CAV1: variants seen among roughly 807,000 people sequenced by gnomAD.
CAV1 encodes the protein caveolin 1.
In CAV1, 10 loss-of-function variants were observed where a neutral mutation model predicts 16.5. The observed-to-expected ratio is 0.61, with a 90% CI of 0.37 to 1.03. The LOEUF (loss-of-function observed/expected upper bound fraction) is 1.03, where lower values mean the gene tolerates loss of function less well. Ranked by LOEUF, CAV1 falls within the 50% of genes least tolerant of loss-of-function variation. The pLI, the probability that CAV1 is intolerant of heterozygous loss-of-function variation, is 0.01. For synonymous variants in CAV1, 76 were observed against 85.1 expected (o/e 0.89, Z 0.59); for missense variants, 212 against 232.8 (o/e 0.91, Z 0.58).
At chr7:116,526,804 GCACACACA>G (rs138907327) in intron 2 of CAV1, 115 bp downstream of exon 2, 4 of 1,011,948 alleles carry the variant, frequency 4.0e-6, no homozygotes, top group South Asian at 1.4e-5. Flanking sequence ...CCCTACACGC[GCACACACA>G]CACACACACA....
chr7:116,546,702 A>AAAAAAAATAAATAAAT (rs1554356428), intron 2 of CAV1, among the ~76,000 whole-genome samples: 6 of 142,952 alleles, frequency 4.2e-5, no homozygotes, highest in African/African-American at 7.9e-5. Context: ...TGTCACAAAA[A>AAAAAAAATAAATAAAT]AAAAAAAAAA....
At position 116,526,900 on chromosome 7, in the gene CAV1, ATAGT is replaced by A. The variant is rs1793576710; in HGVS notation, c.195+217_195+220del. 3.4e-5 allele frequency: 20 copies of A among 596,660 alleles called. 1 individual carries two copies. In the South Asian group the frequency reaches 3.6e-4, roughly 11 times the overall value. The allele number at this position is 596,660 out of a possible 1,614,324, so 37.0% of individuals were successfully genotyped here. On this transcript the variant is annotated intron_variant, in intron 2 of 2. Coordinates refer to ENST00000341049, the MANE Select transcript of CAV1 (RefSeq NM_001753.5). ...ATCTCCCTTCCCCCATCTCCCCCCA[ATAGT>A]TAGTTCAGCTGAAATTCAGCTAAAG...
chr7:116,554,735 A>G (rs574709907), intron 2 of CAV1, among the ~76,000 whole-genome samples: 1 of 152,312 alleles, frequency 6.6e-6, no homozygotes, highest in East Asian at 1.9e-4. Flanking sequence ...CCTAGGATGC[A>G]AAACATCCTA....
At chr7:116,538,747 A>T (rs1480446110) in intron 2 of CAV1, among the ~76,000 whole-genome samples, 1 of 152,160 alleles carries the variant, frequency 6.6e-6, no homozygotes, top group Non-Finnish European at 1.5e-5. Flanking sequence ...GGATTGGGTG[A>T]TGTATTTAAA....
chr7:116,534,395 A>ATATATATATATATATTTTTTTTTTT (rs1442237865), intron 2 of CAV1, among the ~76,000 whole-genome samples: 1 of 7,832 alleles, frequency 1.3e-4, no homozygotes, highest in Non-Finnish European at 2.6e-4. Context: ...ATATATATAT[A>ATATATATATATATATTTTTTTTTTT]TTTTTTTTTT....
At chr7:116,558,449 C>A (rs1794334848) in intron 2 of CAV1, among the ~76,000 whole-genome samples, 1 of 152,056 alleles carries the variant, frequency 6.6e-6, no homozygotes, top group South Asian at 2.1e-4. Context: ...CCAAGGGGAA[C>A]CCAAATATCT....
At chr7:116,528,627 C>T (rs545303798) in intron 2 of CAV1, among the ~76,000 whole-genome samples, 1 of 152,130 alleles carries the variant, frequency 6.6e-6, no homozygotes, top group African/African-American at 2.4e-5. Context: ...AAATTCTGCC[C>T]AAAGAGTGCC....
intron 2 of CAV1, among the ~76,000 whole-genome samples, chr7:116,530,496 C>G (rs886630855): frequency 1.3e-5 from 2 of 152,036 alleles, no homozygotes; most frequent in African/African-American, 4.8e-5. Flanking sequence ...TAGGGAGACC[C>G]AGCCATGAAA....
At chr7:116,525,870 C>A in intron 1 of CAV1, 1 of 984,654 alleles carries the variant, frequency 1.0e-6, no homozygotes, top group Non-Finnish European at 1.2e-6. Flanking sequence ...TGGGGACTTT[C>A]GGGATTGTGA....
intron 2 of CAV1, 57 bp from the exon 3 acceptor site, chr7:116,558,889 G>T (rs899670318): frequency 5.6e-5 from 75 of 1,338,392 alleles, no homozygotes; most frequent in Non-Finnish European, 7.2e-5. Flanking sequence ...TGAATAGTGG[G>T]TTTTTTTTCT....
chr7:116,545,165 G>A (rs377393822), intron 2 of CAV1, among the ~76,000 whole-genome samples: 7 of 152,302 alleles, frequency 4.6e-5, no homozygotes, highest in Middle Eastern at 3.4e-3. Context: ...CCTTCCAGGG[G>A]ATATTTGGCA....
At chr7:116,536,025 A>G (rs1445116287) in intron 2 of CAV1, among the ~76,000 whole-genome samples, 1 of 152,168 alleles carries the variant, frequency 6.6e-6, no homozygotes, top group African/African-American at 2.4e-5. Flanking sequence ...TGTTGTGATG[A>G]TTTTATTTAA....
intron 2 of CAV1, among the ~76,000 whole-genome samples, chr7:116,535,582 G>A (rs1489848619): frequency 6.6e-6 from 1 of 152,180 alleles, no homozygotes; most frequent in Non-Finnish European, 1.5e-5. Flanking sequence ...CATTGTTTAG[G>A]GTGGGGGAAG....
intron 2 of CAV1, among the ~76,000 whole-genome samples, chr7:116,547,727 A>G (rs1031939616): frequency 6.6e-5 from 10 of 152,198 alleles, no homozygotes; most frequent in African/African-American, 2.4e-4. Flanking sequence ...TGTTACTGAC[A>G]TCACTAACAC....
At chr7:116,539,905 C>T (rs1440844069) in intron 2 of CAV1, among the ~76,000 whole-genome samples, 2 of 152,224 alleles carry the variant, frequency 1.3e-5, no homozygotes, top group East Asian at 1.9e-4. Flanking sequence ...AGGAGAAGTC[C>T]CCTGGCAAGG....
At chr7:116,543,952 C>G (rs994723364) in intron 2 of CAV1, among the ~76,000 whole-genome samples, 10 of 152,120 alleles carry the variant, frequency 6.6e-5, no homozygotes, top group Non-Finnish European at 1.0e-4. Context: ...GTTTGTTTCT[C>G]TCTGACTCAT....
chr7:116,558,181 G>A (rs1794330766), intron 2 of CAV1, among the ~76,000 whole-genome samples: 1 of 152,108 alleles, frequency 6.6e-6, no homozygotes, highest in East Asian at 1.9e-4. Context: ...ATTGTTAACC[G>A]ATTATCAACT....
chr7:116,528,853 G>A (rs575287196), intron 2 of CAV1, among the ~76,000 whole-genome samples: 9 of 150,858 alleles, frequency 6.0e-5, no homozygotes, highest in South Asian at 4.2e-4. Context: ...TTTTTGAGAC[G>A]GAGTCTCACT....
intron 2 of CAV1, among the ~76,000 whole-genome samples, chr7:116,555,525 AGAGAGAGAGAGAG>A (rs1794259641): frequency 2.0e-4 from 3 of 14,856 alleles, no homozygotes; most frequent in East Asian, 4.1e-3. Flanking sequence ...AGAAAGAGAG[AGAGAGAGAGAGAG>A]AGAGAGAAAG....
Sources: allele counts gnomAD v4.1 joint callset (sites outside exome capture counted in the v4.1 genomes callset), GRCh38; gene constraint gnomAD v4.1.1; transcripts MANE v1.5; gene names NCBI Gene and HGNC (gene_info 2026-07-23, HGNC 2026-07-21).